The following LMBR1 variants were observed in gnomAD, a reference collection of about 807,000 sequenced individuals.
LMBR1 encodes limb development membrane protein 1.
LMBR1 carries 52 observed loss-of-function variants against 73.9 expected under a neutral mutation model. The observed-to-expected ratio is 0.70, with a 90% CI of 0.56 to 0.89. LMBR1 has a LOEUF of 0.89. Among genes scored for constraint, LMBR1 ranks in the 40% least tolerant of loss-of-function variants. LMBR1 has a pLI of 0.00. For missense variants in LMBR1, 539 were observed against 579.8 expected (o/e 0.93, Z 0.72); for synonymous variants, 215 against 209.4 (o/e 1.03, Z -0.23).
intron 1 of LMBR1, chr7:156,892,579 C>CG (rs1803258105): frequency 5.0e-6 from 1 of 198,802 alleles, no homozygotes; most frequent in Non-Finnish European, 1.0e-5. Flanking sequence ...TCCCAGAGCG[C>CG]GGCGCGCACC....
chr7:156,800,118 C>A (rs141891233), intron 4 of LMBR1, among the ~76,000 whole-genome samples: 15 of 152,342 alleles, frequency 9.8e-5, no homozygotes, highest in African/African-American at 3.1e-4. Context: ...TCCAGAAGAT[C>A]TGGCTAAGAC....
intron 5 of LMBR1, among the ~76,000 whole-genome samples, chr7:156,793,168 C>T (rs143931996): frequency 1.3e-3 from 195 of 152,204 alleles, no homozygotes; most frequent in Non-Finnish European, 2.4e-3. Flanking sequence ...AATAAAGCAA[C>T]GAAGTTAATT....
intron 5 of LMBR1, among the ~76,000 whole-genome samples, chr7:156,795,576 T>C (rs1829934492): frequency 6.6e-6 from 1 of 152,148 alleles, no homozygotes; most frequent in African/African-American, 2.4e-5. Context: ...TATTCTTGGT[T>C]TTTGTTTGTT....
In LMBR1 at chr7:156,826,742, A is replaced by C. The variant is rs1239135194; in HGVS notation, c.182T>G (p.Leu61Trp). The C allele has an allele frequency of 1.7e-5, 27 of 1,603,440 alleles. No homozygotes were observed. Among genetic ancestry groups the C allele is most frequent in the Non-Finnish European group, 2.1e-5 (25 of 1,173,884 alleles). Residue 61 changes from leucine to tryptophan, a missense_variant and splice_region_variant, in exon 4 of 17, where the codon TTG (leucine) becomes TGG (tryptophan). Leu to Trp is a moderately conservative substitution (Grantham distance 61). Coordinates refer to ENST00000353442, the MANE Select transcript of LMBR1 (RefSeq NM_022458.4). ...DEDAIVNRISLFLSTFTLAVS... is the reference protein window; with the variant it reads ...DEDAIVNRISWFLSTFTLAVS... ...TGCGAGAGTGAACGTGCTCAAAAAC[A>C]ACCTGGAAGAAAGGAGAGTCACCAT...
intron 16 of LMBR1, among the ~76,000 whole-genome samples, chr7:156,686,962 A>G (rs1806135658): frequency 6.6e-6 from 1 of 152,224 alleles, no homozygotes; most frequent in Non-Finnish European, 1.5e-5. Flanking sequence ...ATGAGCTGTG[A>G]CTTTTTCCTG....
chr7:156,878,867 A>G (rs527763091), intron 1 of LMBR1, among the ~76,000 whole-genome samples: 3 of 152,352 alleles, frequency 2.0e-5, no homozygotes, highest in African/African-American at 7.2e-5. Flanking sequence ...ACACAGACCA[A>G]CGGAACAGAA....
At chr7:156,869,022 T>A (rs1043966225) in intron 1 of LMBR1, among the ~76,000 whole-genome samples, 2 of 152,186 alleles carry the variant, frequency 1.3e-5, no homozygotes, top group African/African-American at 4.8e-5. Context: ...ATGTTAAAAA[T>A]CATGCTATTA....
intron 1 of LMBR1, among the ~76,000 whole-genome samples, chr7:156,868,529 T>C (rs943304470): frequency 2.0e-5 from 3 of 151,148 alleles, no homozygotes; most frequent in Non-Finnish European, 2.9e-5. Context: ...CGAAAATTAG[T>C]CAGGTGTGAT....
At chr7:156,839,639 G>A (rs1307228415) in intron 1 of LMBR1, among the ~76,000 whole-genome samples, 2 of 152,192 alleles carry the variant, frequency 1.3e-5, no homozygotes, top group African/African-American at 4.8e-5. Flanking sequence ...GACCAGGATA[G>A]TGGACATTCC....
chr7:156,675,158 C>G (rs999581579), downstream of LMBR1, among the ~76,000 whole-genome samples: 3 of 152,230 alleles, frequency 2.0e-5, no homozygotes, highest in East Asian at 1.9e-4. Context: ...AGCGGAGACC[C>G]GAAGAGACAG....
chr7:156,818,904 A>G (rs1834337430), intron 4 of LMBR1, among the ~76,000 whole-genome samples: 1 of 152,168 alleles, frequency 6.6e-6, no homozygotes, highest in Admixed American at 6.6e-5. Context: ...TTAATTTGTC[A>G]TCTCTGCCCT....
intron 5 of LMBR1, among the ~76,000 whole-genome samples, chr7:156,768,500 G>T (rs949364621): frequency 3.9e-5 from 6 of 151,926 alleles, no homozygotes; most frequent in Non-Finnish European, 2.9e-5. Flanking sequence ...CATTGTGATG[G>T]GCTGCCACCA....
At chr7:156,711,824 A>C (rs1227346646) in intron 15 of LMBR1, among the ~76,000 whole-genome samples, 1 of 152,162 alleles carries the variant, frequency 6.6e-6, no homozygotes, top group Non-Finnish European at 1.5e-5. Flanking sequence ...CTGGACCCCT[A>C]TCTCTCGCCA....
chr7:156,763,871 A>C, intron 5 of LMBR1, 76 bp from the exon 6 acceptor site: 2 of 1,206,376 alleles, frequency 1.7e-6, no homozygotes, highest in Non-Finnish European at 2.3e-6. Context: ...CCTATATGAA[A>C]GCATAAAATA....
chr7:156,814,354 T>C (rs2133654443), intron 4 of LMBR1, among the ~76,000 whole-genome samples: 1 of 152,348 alleles, frequency 6.6e-6, no homozygotes, highest in African/African-American at 2.4e-5. Context: ...ATTCCATTAA[T>C]TCTATCAACA....
downstream of LMBR1, among the ~76,000 whole-genome samples, chr7:156,673,002 A>G (rs1024605): frequency 0.65 from 99,040 of 152,216 alleles, 34,530 homozygotes; most frequent in African/African-American, 0.9. Flanking sequence ...GGCCCGGGGC[A>G]AAGCCTGAAA....
At chr7:156,741,832 G>A (rs1240112459) in intron 9 of LMBR1, among the ~76,000 whole-genome samples, 3 of 152,072 alleles carry the variant, frequency 2.0e-5, no homozygotes, top group Non-Finnish European at 4.4e-5. Context: ...TCATCTAATG[G>A]ATATCAGAAT....
In LMBR1 at chr7:156,700,353, G is replaced by A. The variant is rs112421885; in HGVS notation, c.1226-12162C>T. On this transcript the variant is annotated intron_variant, in intron 15 of 16. Coordinates refer to ENST00000353442, the MANE Select transcript of LMBR1 (RefSeq NM_022458.4). ...TGGGAATCGAACAATGAGAACACATGGACACAGGAATGGGAACATCACTCA... is the reference window on the plus strand; with the variant it reads ...TGGGAATCGAACAATGAGAACACATAGACACAGGAATGGGAACATCACTCA... Among the ~76,000 whole-genome samples the A allele has an allele frequency of 6.0e-3, 911 of 152,010 alleles. 20 individuals carry two copies. The South Asian group carries it at 0.079, about 13-fold the overall frequency.
intron 8 of LMBR1, among the ~76,000 whole-genome samples, chr7:156,757,972 A>G (rs1467257852): frequency 6.6e-6 from 1 of 152,250 alleles, no homozygotes; most frequent in Non-Finnish European, 1.5e-5. Flanking sequence ...TAATAAACAA[A>G]TAAATATACA....
Sources: gnomAD v4.1 joint callset for allele counts (sites outside exome capture counted in the v4.1 genomes callset) on GRCh38, gnomAD v4.1.1 for gene constraint, MANE v1.5 for transcripts, NCBI Gene and HGNC (gene_info 2026-07-23, HGNC 2026-07-21) for gene names.